Variants in SUGCT observed in about 807,000 individuals in gnomAD.
SUGCT encodes the protein succinyl-CoA:glutarate-CoA transferase.
A neutral mutation model predicts 55.0 loss-of-function variants in SUGCT; 41 were observed. The observed-to-expected ratio is 0.74, with a 90% CI of 0.58 to 0.97. SUGCT has a LOEUF of 0.97. SUGCT is among the 50% of genes least tolerant of loss of function. The probability of loss-of-function intolerance (pLI) is 0.00; values close to 1 mark genes in which losing one functional copy is unlikely to be tolerated. For missense variants in SUGCT, 568 were observed against 547.8 expected (o/e 1.04, Z -0.37); for synonymous variants, 187 against 200.4 (o/e 0.93, Z 0.56).
chr7:40,910,388 C>T, the SUGCT span, among the ~76,000 whole-genome samples: 1 of 152,084 alleles, frequency 6.6e-6, no homozygotes, highest in Non-Finnish European at 1.5e-5. Context: ...TTGCTATCTA[C>T]AGGAAATAGT....
chr7:40,218,303 C>T (rs1787793275), intron 6 of SUGCT, among the ~76,000 whole-genome samples: 1 of 152,154 alleles, frequency 6.6e-6, no homozygotes, highest in African/African-American at 2.4e-5. Context: ...GAAATACACG[C>T]ATGTACTACT....
chr7:40,490,247 G>A (rs2151506920), intron 11 of SUGCT, among the ~76,000 whole-genome samples: 1 of 152,310 alleles, frequency 6.6e-6, no homozygotes, highest in African/African-American at 2.4e-5. Flanking sequence ...TTTCTCTTGT[G>A]TGGTACCTTC....
At chr7:40,291,672 AAT>A (rs1793786482) in intron 8 of SUGCT, among the ~76,000 whole-genome samples, 1 of 149,296 alleles carries the variant, frequency 6.7e-6, no homozygotes, top group African/African-American at 2.5e-5. Context: ...AAAATAAAAA[AAT>A]ATATATATAG....
At chr7:40,371,225 A>G (rs1040640568) in intron 9 of SUGCT, among the ~76,000 whole-genome samples, 1 of 152,188 alleles carries the variant, frequency 6.6e-6, no homozygotes, top group Non-Finnish European at 1.5e-5. Context: ...CTGTATAAGT[A>G]CCCAGATTGG....
intron 6 of SUGCT, among the ~76,000 whole-genome samples, chr7:40,231,755 C>A (rs1221264619): frequency 2.0e-5 from 3 of 152,096 alleles, no homozygotes; most frequent in Non-Finnish European, 2.9e-5. Flanking sequence ...ACTTGGAAAG[C>A]CCTTAAAAAG....
chr7:40,697,679 G>T (rs2128658346), intron 12 of SUGCT, among the ~76,000 whole-genome samples: 1 of 152,244 alleles, frequency 6.6e-6, no homozygotes, highest in South Asian at 2.1e-4. Flanking sequence ...GTCAAGATGA[G>T]AATTGTGTGA....
chr7:40,336,145 T>G (rs1277883488), intron 9 of SUGCT, among the ~76,000 whole-genome samples: 1 of 152,196 alleles, frequency 6.6e-6, no homozygotes, highest in African/African-American at 2.4e-5. Flanking sequence ...CTGGATTCGG[T>G]TTGCCAGTAT....
intron 12 of SUGCT, among the ~76,000 whole-genome samples, chr7:40,606,028 C>T (rs549507894): frequency 6.6e-6 from 1 of 152,282 alleles, no homozygotes; most frequent in Non-Finnish European, 1.5e-5. Context: ...CGTTGAACGA[C>T]TGTCACTAGG....
chr7:40,918,465 A>G, the SUGCT span, among the ~76,000 whole-genome samples: 8 of 151,980 alleles, frequency 5.3e-5, no homozygotes, highest in Middle Eastern at 3.4e-3. Flanking sequence ...TGTCTCAAAA[A>G]AAAAAAAAAA....
chr7:40,848,939 G>A (rs1231391012), intron 13 of SUGCT, among the ~76,000 whole-genome samples: 1 of 152,126 alleles, frequency 6.6e-6, no homozygotes, highest in Non-Finnish European at 1.5e-5. Flanking sequence ...GCTGAGAGGT[G>A]CCATATAAAA....
chr7:40,356,235 C>T (rs1023942164), intron 9 of SUGCT, among the ~76,000 whole-genome samples: 27 of 152,186 alleles, frequency 1.8e-4, no homozygotes, highest in African/African-American at 6.0e-4. Flanking sequence ...TAGTTGTCAT[C>T]GAAATGACTT....
chr7:40,135,041 G>A lies in SUGCT; in HGVS notation c.21G>A (p.Arg7=). The A allele has an allele frequency of 6.4e-7, 1 of 1,562,438 alleles. No individual in the cohort carries two copies. The highest frequency in any genetic ancestry group is 8.7e-7 in the Non-Finnish European group (1 of 1,154,962). MLATLA[R]VAALRRTCLF... is the part of the protein sequence containing the mutation. Reference sequence around the variant, plus strand: ...ACGCGATGCTGGCGACGCTGGCGAGGGTGGCAGCTCTGCGCAGAACCTGCC... The same window carrying A: ...ACGCGATGCTGGCGACGCTGGCGAGAGTGGCAGCTCTGCGCAGAACCTGCC... The change falls in exon 1 of 14, where the codon AGG becomes AGA. Residue 7 remains arginine, a synonymous_variant. Coordinates refer to ENST00000335693, the MANE Select transcript of SUGCT (RefSeq NM_001193313.2).
At chr7:40,859,644 A>G (rs1794386376) in intron 13 of SUGCT, among the ~76,000 whole-genome samples, 1 of 152,200 alleles carries the variant, frequency 6.6e-6, no homozygotes, top group Non-Finnish European at 1.5e-5. Context: ...TATGATCTCA[A>G]TTAAATCCTT....
At chr7:40,599,534 T>C (rs1798188219) in intron 12 of SUGCT, among the ~76,000 whole-genome samples, 1 of 152,142 alleles carries the variant, frequency 6.6e-6, no homozygotes, top group Non-Finnish European at 1.5e-5. Context: ...CTGGGTAATA[T>C]AAGTCACCTT....
rs188009518 is a variant in SUGCT at position 40,830,681 on chromosome 7, C to T, written c.1154-29635C>T. Among the ~76,000 whole-genome samples, 27 of 152,272 alleles carry T rather than the reference C, an allele frequency of 1.8e-4. 1 individual carries two copies. The East Asian group carries it at 5.0e-3, about 28-fold the overall frequency. ...TGGCGCCAGGCCTATAGTAGGCACT[C>T]AACACACATTTGTCAAAACAGTGAA... On this transcript the variant is annotated intron_variant, in intron 13 of 13. Transcript: ENST00000335693.
chr7:40,759,947 G>A (rs1304983122), intron 13 of SUGCT, among the ~76,000 whole-genome samples: 1 of 151,794 alleles, frequency 6.6e-6, no homozygotes, highest in Non-Finnish European at 1.5e-5. Context: ...ATTCTCAAGA[G>A]TATATAAGTG....
the SUGCT span, among the ~76,000 whole-genome samples, chr7:41,011,388 A>T: frequency 0.012 from 1,834 of 152,340 alleles, 101 homozygotes; most frequent in East Asian, 0.15. Flanking sequence ...AGGTGGACAC[A>T]GATGCTGCTT....
chr7:40,510,056 T>C (rs1792838488), intron 12 of SUGCT, among the ~76,000 whole-genome samples: 1 of 152,138 alleles, frequency 6.6e-6, no homozygotes, highest in African/African-American at 2.4e-5. Context: ...TACTTATTCA[T>C]GGGAATTTGA....
chr7:40,634,496 G>A (rs1047674800), intron 12 of SUGCT, among the ~76,000 whole-genome samples: 8 of 152,152 alleles, frequency 5.3e-5, no homozygotes, highest in South Asian at 4.1e-4. Context: ...GCAAGATCCC[G>A]GACTTCTACT....
Sources: allele counts gnomAD v4.1 joint callset (sites outside exome capture counted in the v4.1 genomes callset), GRCh38; gene constraint gnomAD v4.1.1; transcripts MANE v1.5; gene names NCBI Gene and HGNC (gene_info 2026-07-23, HGNC 2026-07-21).